The following BFSP1 variants were observed in gnomAD, a reference collection of about 807,000 sequenced individuals.
BFSP1 encodes the protein filensin.
A neutral mutation model predicts 43.9 loss-of-function variants in BFSP1; 38 were observed. That is an observed-to-expected ratio of 0.87 (90% confidence interval 0.67 to 1.14). BFSP1 has a LOEUF of 1.14. Among genes scored for constraint, BFSP1 ranks in the 50% most tolerant of loss-of-function variants. BFSP1 has a pLI of 0.00. For missense variants in BFSP1, 850 were observed against 875.1 expected, an observed-to-expected ratio of 0.97 and a Z score of 0.36; for synonymous variants, 352 against 354.8, an observed-to-expected ratio of 0.99 and a Z score of 0.09.
intron 5 of BFSP1, among the ~76,000 whole-genome samples, chr20:17,508,656 G>A (rs1257883849): frequency 1.3e-5 from 2 of 152,330 alleles, no homozygotes; most frequent in East Asian, 3.9e-4. Flanking sequence ...GGCCAGGAAT[G>A]AGCGTGGCAC....
intron 1 of BFSP1, among the ~76,000 whole-genome samples, chr20:17,543,741 C>T (rs535538368): frequency 6.6e-6 from 1 of 151,660 alleles, no homozygotes; most frequent in South Asian, 2.1e-4. Flanking sequence ...TGAAGATATG[C>T]GAAGCAACTT....
At chr20:17,513,819 A>G (rs2034140857) in intron 3 of BFSP1, among the ~76,000 whole-genome samples, 1 of 152,220 alleles carries the variant, frequency 6.6e-6, no homozygotes, top group Non-Finnish European at 1.5e-5. Flanking sequence ...GCTATTACCA[A>G]TGGATCACCA....
At chr20:17,568,595 C>G (rs1170291737) in intron 1 of BFSP1, among the ~76,000 whole-genome samples, 1 of 152,122 alleles carries the variant, frequency 6.6e-6, no homozygotes, top group Non-Finnish European at 1.5e-5. Flanking sequence ...GCACACAAAT[C>G]TAGCTTTGAA....
At chr20:17,548,180 C>CAAAAAAAA (rs11470598) in intron 1 of BFSP1, among the ~76,000 whole-genome samples, 9 of 119,856 alleles carry the variant, frequency 7.5e-5, no homozygotes, top group Non-Finnish European at 1.0e-4. Context: ...GAAAATAATG[C>CAAAAAAAA]AAAAAAAAAA....
At chr20:17,546,730 C>T (rs371246220) in intron 1 of BFSP1, among the ~76,000 whole-genome samples, 1 of 151,850 alleles carries the variant, frequency 6.6e-6, no homozygotes, top group East Asian at 1.9e-4. Context: ...AAGAAGAAAG[C>T]AGCTCTTTGT....
chr20:17,497,481 C>G (rs945869677), intron 6 of BFSP1, among the ~76,000 whole-genome samples: 1 of 92,218 alleles, frequency 1.1e-5, no homozygotes, highest in Admixed American at 1.2e-4. Context: ...CGTATATATA[C>G]GTGTGTATAT....
chr20:17,555,563 G>T (rs1000199154), intron 1 of BFSP1, among the ~76,000 whole-genome samples: 1 of 152,102 alleles, frequency 6.6e-6, no homozygotes, highest in Non-Finnish European at 1.5e-5. Flanking sequence ...TGAGGCATGA[G>T]AATCGCTTGA....
At position 17,496,737 on chromosome 20, in the gene BFSP1, G is replaced by A. The variant is rs570806504; in HGVS notation, c.1042+201C>T. ...CCCAAGGTAGCCTAGCCCCCTAGTC[G>A]ATTTTTCTCCTTATAAACTTCTCAG... On this transcript the variant is annotated intron_variant, in intron 7 of 7. Transcript: ENST00000377873. Among the ~76,000 whole-genome samples the A allele has an allele frequency of 3.3e-5, 5 of 152,272 alleles. No homozygotes were observed. The South Asian group carries it at 6.2e-4, about 19-fold the overall frequency.
intron 1 of BFSP1, among the ~76,000 whole-genome samples, chr20:17,567,955 A>T (rs546046094): frequency 2.3e-3 from 343 of 146,582 alleles, no homozygotes; most frequent in Middle Eastern, 0.014. Flanking sequence ...CGGGGCACGA[A>T]AAAAAAAAAA....
chr20:17,511,357 A>C (rs1482431220), intron 4 of BFSP1, among the ~76,000 whole-genome samples: 1 of 152,244 alleles, frequency 6.6e-6, no homozygotes, highest in East Asian at 1.9e-4. Flanking sequence ...CCGTCTTGGA[A>C]ATATATTCAC....
At chr20:17,496,542 G>A (rs770715192) in intron 7 of BFSP1, among the ~76,000 whole-genome samples, 1 of 152,180 alleles carries the variant, frequency 6.6e-6, no homozygotes, top group African/African-American at 2.4e-5. Flanking sequence ...GTGGGGAGGC[G>A]GTGGGATGTG....
At position 17,514,456 on chromosome 20, in the gene BFSP1, A is replaced by G. The variant is rs76704447; in HGVS notation, c.534+265T>C. Among the ~76,000 whole-genome samples the G allele has an allele frequency of 7.1e-3, 1,075 of 152,286 alleles. 15 individuals carry two copies. The highest frequency in any genetic ancestry group is 0.024 in the African/African-American group (1,016 of 41,548). On this transcript the variant is annotated intron_variant, in intron 3 of 7. Transcript: ENST00000377873. The stretch of plus-strand genomic sequence containing the variant: ...CTTAATGAAGACAGATCTATATAAA[A>G]TCACTTTGTAAATTATACTGTACAA...
chr20:17,516,359 TA>T (rs751742186), intron 2 of BFSP1, among the ~76,000 whole-genome samples: 25 of 152,038 alleles, frequency 1.6e-4, no homozygotes, highest in Non-Finnish European at 3.2e-4. Flanking sequence ...TCAATAAAAA[TA>T]AAAGGCACTT....
At chr20:17,569,141 GATAA>G (rs2035159085) in intron 1 of BFSP1, 1 of 152,318 alleles carries the variant, frequency 6.6e-6, no homozygotes, top group Non-Finnish European at 1.5e-5. Flanking sequence ...AGTTCCCAAA[GATAA>G]ATAAATGCTC....
In BFSP1 at chr20:17,542,510, G is replaced by C. The variant is rs1056928843; in HGVS notation, c.2+16178C>G. ...GCTACTCAGGAGGCTGAGGTGGGAG[G>C]ATCACTAGAGCCCAAGAGGTCAGGG... On this transcript the variant is annotated intron_variant, in intron 1 of 7. Transcript: ENST00000377868. Among the ~76,000 whole-genome samples, 9 of 151,798 alleles carry C rather than the reference G, an allele frequency of 5.9e-5. No homozygotes were observed. The East Asian group carries it at 1.7e-3, about 29-fold the overall frequency.
At chr20:17,510,364 A>T (rs942828821) in intron 4 of BFSP1, among the ~76,000 whole-genome samples, 7 of 152,234 alleles carry the variant, frequency 4.6e-5, no homozygotes, top group Non-Finnish European at 7.3e-5. Context: ...AACACCTTTG[A>T]GTTAGAGTTG....
chr20:17,494,442 T>C lies in BFSP1; in HGVS notation c.1630A>G (p.Lys544Glu), dbSNP rs988269123. The change falls in exon 8 of 8, where the codon AAG becomes GAG. Residue 544 changes from lysine (K) to glutamate (E), a missense_variant. Physicochemically the swap from Lys to Glu is moderately conservative, Grantham distance 56. Transcript: ENST00000377873. The part of the protein sequence containing the change: ...GQPIDQQPID[K>E]EIEPDGAELE... ...TCTGCACCATCTGGCTCAATCTCCTTGTCTATAGGCTGCTGGTCAATTGGT... is the reference window on the plus strand; with the variant it reads ...TCTGCACCATCTGGCTCAATCTCCTCGTCTATAGGCTGCTGGTCAATTGGT... 1.2e-6 allele frequency: 2 copies of C among 1,614,092 alleles called. No homozygotes were observed. The highest frequency in any genetic ancestry group is 2.2e-5 in the East Asian group (1 of 44,892).
intron 1 of BFSP1, among the ~76,000 whole-genome samples, chr20:17,554,990 T>C (rs900196224): frequency 2.0e-5 from 3 of 152,138 alleles, no homozygotes; most frequent in Admixed American, 6.6e-5. Flanking sequence ...AATTAAGCCA[T>C]GCATAGACTC....
chr20:17,526,166 A>C (rs1392979104), intron 1 of BFSP1, among the ~76,000 whole-genome samples: 1 of 134,480 alleles, frequency 7.4e-6, no homozygotes, highest in Non-Finnish European at 1.6e-5. Context: ...GGGGGCTGGT[A>C]AAATATGCAT....
Sources: gnomAD v4.1 joint callset for allele counts (sites outside exome capture counted in the v4.1 genomes callset) on GRCh38, gnomAD v4.1.1 for gene constraint, MANE v1.5 for transcripts, NCBI Gene and HGNC (gene_info 2026-07-23, HGNC 2026-07-21) for gene names.